The following TENM2 variants were observed in gnomAD, a reference collection of about 807,000 sequenced individuals.
TENM2 encodes teneurin-2.
Under a neutral mutation model 245.2 loss-of-function variants are expected in TENM2, and 52 were observed. That is an observed-to-expected ratio of 0.21 (90% CI 0.17 to 0.27). The LOEUF (loss-of-function observed/expected upper bound fraction) is 0.27, where lower values mean the gene tolerates loss of function less well. Ranked by LOEUF, TENM2 falls within the 10% of genes least tolerant of loss-of-function variation. TENM2 has a pLI of 1.00. For synonymous variants in TENM2, 1,363 were observed against 1,438.9 expected, an observed-to-expected ratio of 0.95 and a Z score of 1.19; for missense variants, 3,046 against 3,666.8, an observed-to-expected ratio of 0.83 and a Z score of 4.37.
At chr5:167,972,513 T>C (rs1781863812) in intron 4 of TENM2, among the ~76,000 whole-genome samples, 1 of 152,216 alleles carries the variant, frequency 6.6e-6, no homozygotes, top group African/African-American at 2.4e-5. Context: ...AACAAATCTG[T>C]AATGAAACAT....
chr5:167,707,516 G>A (rs2150469230), intron 2 of TENM2, among the ~76,000 whole-genome samples: 1 of 152,256 alleles, frequency 6.6e-6, no homozygotes, highest in African/African-American at 2.4e-5. Context: ...ATGGATCATA[G>A]TAATGGTTTC....
At chr5:167,515,167 A>T (rs1770241101) in intron 2 of TENM2, among the ~76,000 whole-genome samples, 2 of 152,190 alleles carry the variant, frequency 1.3e-5, no homozygotes, top group African/African-American at 4.8e-5. Flanking sequence ...AATCTGATAG[A>T]TAATGTCATT....
chr5:167,249,849 T>G, the TENM2 span, among the ~76,000 whole-genome samples: 200 of 152,276 alleles, frequency 1.3e-3, 1 homozygote, highest in African/African-American at 4.7e-3. Flanking sequence ...ACAGAAACTT[T>G]GCTTTGTCCA....
intron 1 of TENM2, among the ~76,000 whole-genome samples, chr5:167,366,391 C>G (rs1289470211): frequency 1.3e-5 from 2 of 152,078 alleles, no homozygotes; most frequent in Non-Finnish European, 2.9e-5. Context: ...GTTTCTTCCT[C>G]TGTAGACTGA....
chr5:167,096,026 C>T, the TENM2 span, among the ~76,000 whole-genome samples: 6 of 152,116 alleles, frequency 3.9e-5, no homozygotes, highest in African/African-American at 1.2e-4. Flanking sequence ...CCTGCCTTGG[C>T]CTCCCAAAGT....
At chr5:167,160,994 T>C in the TENM2 span, among the ~76,000 whole-genome samples, 748 of 150,706 alleles carry the variant, frequency 5.0e-3, 8 homozygotes, top group African/African-American at 0.016. Flanking sequence ...ATGAATTGGT[T>C]TTTCCAAACT....
At chr5:167,116,585 C>T in the TENM2 span, 1 of 152,118 alleles carries the variant, frequency 6.6e-6, no homozygotes, top group Non-Finnish European at 1.5e-5. Flanking sequence ...AAAGTAGTCC[C>T]TCACTCCAAC....
At chr5:167,097,366 A>C in the TENM2 span, among the ~76,000 whole-genome samples, 2 of 152,176 alleles carry the variant, frequency 1.3e-5, no homozygotes, top group Admixed American at 6.5e-5. Context: ...AATTGGCATC[A>C]AGGTAAATAT....
At chr5:167,415,157 C>T (rs1449376597) in intron 2 of TENM2, among the ~76,000 whole-genome samples, 2 of 151,894 alleles carry the variant, frequency 1.3e-5, no homozygotes, top group East Asian at 1.9e-4. Flanking sequence ...CTGACAGGTC[C>T]GCCACAGGAA....
chr5:167,055,283 A>G, the TENM2 span, among the ~76,000 whole-genome samples: 1 of 152,038 alleles, frequency 6.6e-6, no homozygotes, highest in African/African-American at 2.4e-5. Context: ...AATTTTTTGA[A>G]AAGACTATCC....
At position 167,460,603 on chromosome 5, in the gene TENM2, CTT is replaced by C. The variant is rs70976431; in HGVS notation, c.502+85141_502+85142del. Among the ~76,000 whole-genome samples the C allele has an allele frequency of 2.0e-3, 299 of 148,856 alleles. 1 individual carries two copies. Among genetic ancestry groups the C allele is most frequent in the Middle Eastern group, 3.5e-3 (1 of 284 alleles). ...ATTTTTAGAAATAATGGCAAAACGTCTTTTTTTTTTTTCTCCCTTCTGCTGAA... is the reference window on the plus strand; with the variant it reads ...ATTTTTAGAAATAATGGCAAAACGTCTTTTTTTTTTCTCCCTTCTGCTGAA... On this transcript the variant is annotated intron_variant, in intron 2 of 28. Transcript: ENST00000518659.
chr5:167,754,200 T>A (rs1053907296), intron 2 of TENM2, among the ~76,000 whole-genome samples: 1 of 152,104 alleles, frequency 6.6e-6, no homozygotes, highest in Non-Finnish European at 1.5e-5. Context: ...CTTGTGTGAG[T>A]GTTGGAGAGA....
At chr5:168,202,230 C>T (rs970611978) in intron 17 of TENM2, among the ~76,000 whole-genome samples, 4 of 152,154 alleles carry the variant, frequency 2.6e-5, no homozygotes, top group Non-Finnish European at 5.9e-5. Context: ...ATTTAAAGTA[C>T]AGTTCAAATA....
At chr5:167,983,954 G>A (rs938755516) in intron 4 of TENM2, among the ~76,000 whole-genome samples, 4 of 152,074 alleles carry the variant, frequency 2.6e-5, no homozygotes, top group African/African-American at 4.8e-5. Context: ...TACTATACAC[G>A]GCTCCTGCCC....
intron 2 of TENM2, among the ~76,000 whole-genome samples, chr5:167,695,349 AC>A (rs1328536704): frequency 1.3e-5 from 2 of 152,226 alleles, no homozygotes; most frequent in African/African-American, 2.4e-5. Context: ...CACCAAAAAA[AC>A]TTTTATGCAC....
the TENM2 span, among the ~76,000 whole-genome samples, chr5:167,019,032 C>T: frequency 1.3e-5 from 2 of 152,196 alleles, no homozygotes; most frequent in Non-Finnish European, 2.9e-5. Flanking sequence ...GTCTGGTCTT[C>T]AGACTTAATT....
intron 25 of TENM2, among the ~76,000 whole-genome samples, chr5:168,241,693 T>A (rs184691854): frequency 1.8e-4 from 28 of 152,266 alleles, no homozygotes; most frequent in Non-Finnish European, 4.4e-5. Flanking sequence ...ACTTGTCTAG[T>A]TATGGGACTC....
At chr5:168,257,865 T>C (rs1767816632) in intron 27 of TENM2, among the ~76,000 whole-genome samples, 1 of 152,066 alleles carries the variant, frequency 6.6e-6, no homozygotes, top group African/African-American at 2.4e-5. Flanking sequence ...CCGCCTGCCT[T>C]GGCCTCCCAA....
chr5:167,445,330 T>G (rs962854591), intron 2 of TENM2, among the ~76,000 whole-genome samples: 1,368 of 48,652 alleles, frequency 0.028, 10 homozygotes, highest in Non-Finnish European at 0.036. Flanking sequence ...TATATATATA[T>G]ATATATAGAG....
Sources: gnomAD v4.1 joint callset for allele counts (sites outside exome capture counted in the v4.1 genomes callset) on GRCh38, gnomAD v4.1.1 for gene constraint, MANE v1.5 for transcripts, NCBI Gene and HGNC (gene_info 2026-07-23, HGNC 2026-07-21) for gene names.